Variants in FRMD4A observed in about 807,000 individuals in gnomAD.
FRMD4A encodes the protein FERM domain containing 4A.
Under a neutral mutation model 129.1 loss-of-function variants are expected in FRMD4A, and 29 were observed. The ratio of observed to expected loss-of-function variants is 0.22; its 90% CI spans 0.17 to 0.31. FRMD4A has a LOEUF of 0.31. Ranked by LOEUF, FRMD4A falls within the 10% of genes least tolerant of loss-of-function variation. The probability of loss-of-function intolerance (pLI) is 1.00; values close to 1 mark genes in which losing one functional copy is unlikely to be tolerated. For synonymous variants in FRMD4A, 634 were observed against 571.6 expected (o/e 1.11, Z -1.56); for missense variants, 1,272 against 1,375.8 (o/e 0.92, Z 1.19).
chr10:13,686,550 G>A (rs2085104373), intron 15 of FRMD4A, among the ~76,000 whole-genome samples: 1 of 152,232 alleles, frequency 6.6e-6, no homozygotes, highest in African/African-American at 2.4e-5. Flanking sequence ...CCAGGCCCAT[G>A]TTTAGCACAA....
At chr10:14,069,283 A>T (rs558029794) in intron 2 of FRMD4A, among the ~76,000 whole-genome samples, 1 of 152,232 alleles carries the variant, frequency 6.6e-6, no homozygotes, top group Non-Finnish European at 1.5e-5. Flanking sequence ...GCTATAAAAA[A>T]TGACAGTAGC....
At chr10:14,250,205 C>T (rs1844388099) in intron 2 of FRMD4A, among the ~76,000 whole-genome samples, 1 of 152,182 alleles carries the variant, frequency 6.6e-6, no homozygotes, top group African/African-American at 2.4e-5. Context: ...AGGTGCTCTG[C>T]CTGCCTCGGC....
chr10:13,762,482 T>C (rs1432675449), intron 7 of FRMD4A, 142 bp downstream of exon 7: 3 of 594,378 alleles, frequency 5.0e-6, no homozygotes, highest in Non-Finnish European at 9.1e-6. Flanking sequence ...GTGTCTCTAA[T>C]AGCTCTATGC....
At chr10:14,024,432 G>A (rs988988127) in intron 2 of FRMD4A, among the ~76,000 whole-genome samples, 19 of 152,156 alleles carry the variant, frequency 1.2e-4, no homozygotes, top group Admixed American at 1.3e-4. Flanking sequence ...TGAATGTCCC[G>A]ATTTGCTCTC....
intron 2 of FRMD4A, among the ~76,000 whole-genome samples, chr10:14,140,765 G>GTA (rs144981498): frequency 2.0e-4 from 31 of 151,742 alleles, no homozygotes; most frequent in African/African-American, 2.7e-4. Context: ...TCACATGTAG[G>GTA]TATATATATA....
intron 2 of FRMD4A, among the ~76,000 whole-genome samples, chr10:14,308,527 C>T (rs1846429123): frequency 6.6e-6 from 1 of 152,124 alleles, no homozygotes; most frequent in Non-Finnish European, 1.5e-5. Flanking sequence ...ATACAACCTG[C>T]TTTCCTATGA....
intron 2 of FRMD4A, among the ~76,000 whole-genome samples, chr10:14,030,795 G>A (rs1833202079): frequency 1.3e-5 from 2 of 150,298 alleles, no homozygotes; most frequent in Non-Finnish European, 3.0e-5. Context: ...TGTGTAGATG[G>A]CTTACACAAC....
chr10:13,819,212 T>A (rs1301436827), intron 3 of FRMD4A, among the ~76,000 whole-genome samples: 1 of 152,150 alleles, frequency 6.6e-6, no homozygotes, highest in Non-Finnish European at 1.5e-5. Flanking sequence ...AAGACCACCC[T>A]ATGAACCCAG....
chr10:13,818,084 G>T (rs1262084288), intron 3 of FRMD4A, among the ~76,000 whole-genome samples: 1 of 152,122 alleles, frequency 6.6e-6, no homozygotes, highest in Admixed American at 6.5e-5. Flanking sequence ...CAAGCTCTCT[G>T]GGCCTCAGTT....
intron 2 of FRMD4A, among the ~76,000 whole-genome samples, chr10:14,197,929 T>C (rs1372647957): frequency 1.3e-5 from 2 of 152,236 alleles, no homozygotes; most frequent in Non-Finnish European, 2.9e-5. Context: ...CCATGTGTCA[T>C]ACCAGCACTA....
At chr10:13,767,679 T>C (rs984113790) in intron 6 of FRMD4A, among the ~76,000 whole-genome samples, 1 of 152,150 alleles carries the variant, frequency 6.6e-6, no homozygotes, top group Non-Finnish European at 1.5e-5. Context: ...AATGGGATCA[T>C]AGGAGGAGGA....
At chr10:14,121,804 C>T (rs529795798) in intron 2 of FRMD4A, among the ~76,000 whole-genome samples, 6 of 152,292 alleles carry the variant, frequency 3.9e-5, no homozygotes, top group African/African-American at 1.2e-4. Flanking sequence ...GGGGCCATTC[C>T]GGCTGGCTTT....
intron 2 of FRMD4A, among the ~76,000 whole-genome samples, chr10:14,128,601 C>T (rs1839058167): frequency 6.6e-6 from 1 of 152,190 alleles, no homozygotes; most frequent in Non-Finnish European, 1.5e-5. Flanking sequence ...ATTTACATAT[C>T]ATACCTGAGC....
intron 3 of FRMD4A, among the ~76,000 whole-genome samples, chr10:13,814,845 G>A (rs2093515721): frequency 6.6e-6 from 1 of 152,104 alleles, no homozygotes; most frequent in Non-Finnish European, 1.5e-5. Context: ...GGGCCTGAAT[G>A]GAAGGGGGTA....
At chr10:14,185,182 A>G (rs1168016171) in intron 2 of FRMD4A, among the ~76,000 whole-genome samples, 3 of 152,162 alleles carry the variant, frequency 2.0e-5, no homozygotes, top group African/African-American at 7.2e-5. Context: ...TTTTCCTGTT[A>G]TGTGTATAAT....
intron 9 of FRMD4A, 71 bp from the exon 10 acceptor site, chr10:13,740,648 T>C (rs768001205): frequency 3.4e-5 from 27 of 791,922 alleles, no homozygotes; most frequent in Non-Finnish European, 5.6e-5. Flanking sequence ...GCCAGTAAGA[T>C]ATTTCTCAGC....
intron 2 of FRMD4A, among the ~76,000 whole-genome samples, chr10:13,878,740 G>T (rs370623832): frequency 6.6e-6 from 1 of 150,970 alleles, no homozygotes; most frequent in African/African-American, 2.4e-5. Context: ...GCGACACAGC[G>T]AGACTCCATC....
At chr10:14,325,232 T>G (rs1438464178) in intron 2 of FRMD4A, among the ~76,000 whole-genome samples, 1 of 152,256 alleles carries the variant, frequency 6.6e-6, no homozygotes, top group Non-Finnish European at 1.5e-5. Context: ...TTACAAATTC[T>G]GAATCTCTTT....
At chr10:13,805,981 C>T (rs10906495) in intron 4 of FRMD4A, among the ~76,000 whole-genome samples, 51,760 of 151,936 alleles carry the variant, frequency 0.34, 9,982 homozygotes, top group Non-Finnish European at 0.44. Context: ...TGTCAGCCTC[C>T]TAAGTAGCTG....
Sources: allele counts gnomAD v4.1 joint callset (sites outside exome capture counted in the v4.1 genomes callset), GRCh38; gene constraint gnomAD v4.1.1; transcripts MANE v1.5; gene names NCBI Gene and HGNC (gene_info 2026-07-23, HGNC 2026-07-21).